SULT2A1: variants seen among roughly 807,000 people sequenced by gnomAD.
The protein encoded by SULT2A1 is sulfotransferase 2A1.
A neutral mutation model predicts 33.9 loss-of-function variants in SULT2A1; 43 were observed. The ratio of observed to expected loss-of-function variants is 1.27; its 90% confidence interval spans 1.00 to 1.64. SULT2A1 has a LOEUF of 1.64. Ranked by LOEUF, SULT2A1 falls within the 40% of genes most tolerant of loss-of-function variation. The pLI, the probability that SULT2A1 is intolerant of heterozygous loss-of-function variation, is 0.00. For missense variants in SULT2A1, 300 were observed against 335.1 expected, an observed-to-expected ratio of 0.90 and a Z score of 0.82; for synonymous variants, 125 against 113.6, an observed-to-expected ratio of 1.10 and a Z score of -0.64.
chr19:47,871,431 A>G lies in SULT2A1; in HGVS notation c.*24T>C. 1.3e-6 allele frequency: 2 copies of G among 1,540,304 alleles called. No homozygotes were observed. The highest frequency in any genetic ancestry group is 4.5e-5 in the East Asian group (2 of 44,490). ...CAGGAGAATCAATGTCATTCTCCAT[A>G]TAAGATCCAGAGTGTTTTGGACGTT... On this transcript the variant is annotated 3_prime_UTR_variant, in exon 6 of 6. Coordinates refer to ENST00000222002, the MANE Select transcript of SULT2A1 (RefSeq NM_003167.4).
At chr19:47,877,603 G>A (rs1282578188) in intron 4 of SULT2A1, among the ~76,000 whole-genome samples, 1 of 149,758 alleles carries the variant, frequency 6.7e-6, no homozygotes, top group Non-Finnish European at 1.5e-5. Context: ...AGCCTAGAGT[G>A]CAGTGGTGTG....
At chr19:47,874,252 A>G (rs1337522201) in intron 5 of SULT2A1, among the ~76,000 whole-genome samples, 1 of 151,988 alleles carries the variant, frequency 6.6e-6, no homozygotes, top group Admixed American at 6.6e-5. Context: ...ATTAAAGCTG[A>G]TAAATTGGCC....
At chr19:47,878,642 G>A (rs377090143) in intron 4 of SULT2A1, among the ~76,000 whole-genome samples, 61 of 150,378 alleles carry the variant, frequency 4.1e-4, no homozygotes, top group African/African-American at 1.5e-3. Context: ...TCAGCCTCCC[G>A]AGTAGCTGGG....
In SULT2A1 at chr19:47,879,213, G is replaced by C. The variant is rs183470792; in HGVS notation, c.473-83C>G. On this transcript the variant is annotated intron_variant, in intron 3 of 5. Coordinates refer to ENST00000222002, the MANE Select transcript of SULT2A1 (RefSeq NM_003167.4). ...GTCTATTATGTTCATCCCCCCACCG[G>C]CTTGTTAACGTATGATTGACAAATA... 42 of 814,118 alleles carry C rather than the reference G, an allele frequency of 5.2e-5. No homozygotes were observed. The Admixed American group carries it at 6.1e-4, about 12-fold the overall frequency. 50.4% of individuals were successfully genotyped at this position (814,118 alleles called of 1,614,324 possible). A position where few individuals can be genotyped will look rare whatever the true frequency, so the allele number is the denominator to read the frequency against.
At chr19:47,881,993 TG>T in intron 3 of SULT2A1, 90 bp downstream of exon 3, 1 of 1,550,198 alleles carries the variant, frequency 6.5e-7, no homozygotes, top group South Asian at 1.2e-5. Context: ...TTTCAACCCA[TG>T]GGTTGGTGAG....
chr19:47,879,265 G>T, intron 3 of SULT2A1, 135 bp from the exon 4 acceptor site: 1 of 640,536 alleles, frequency 1.6e-6, no homozygotes. Context: ...TGGTCGAAGG[G>T]GACCAACAAA....
chr19:47,885,789 G>T (rs1386605492), intron 1 of SULT2A1, among the ~76,000 whole-genome samples: 1 of 152,010 alleles, frequency 6.6e-6, no homozygotes, highest in Admixed American at 6.6e-5. Context: ...CTCATTCTTT[G>T]CATTTCCATT....
chr19:47,883,849 C>A, intron 1 of SULT2A1, 64 bp from the exon 2 acceptor site: 1 of 1,483,666 alleles, frequency 6.7e-7, no homozygotes, highest in African/African-American at 1.4e-5. Context: ...TGGCTCACGC[C>A]TGTAATCCCA....
chr19:47,878,189 T>A (rs1462802469), intron 4 of SULT2A1, among the ~76,000 whole-genome samples: 4 of 152,134 alleles, frequency 2.6e-5, no homozygotes, highest in African/African-American at 9.7e-5. Context: ...TTATTTTTAT[T>A]TTTAGAGCCG....
At chr19:47,873,233 G>C (rs890052841) in intron 5 of SULT2A1, among the ~76,000 whole-genome samples, 5 of 151,240 alleles carry the variant, frequency 3.3e-5, no homozygotes, top group Admixed American at 6.6e-5. Context: ...CAAATGGCAG[G>C]ATCTCGGCTC....
chr19:47,875,054 C>T (rs569931922), intron 4 of SULT2A1, among the ~76,000 whole-genome samples: 11 of 145,510 alleles, frequency 7.6e-5, no homozygotes, highest in Admixed American at 1.4e-4. Context: ...CCCAGCTACT[C>T]GGGAGGTTGG....
At chr19:47,872,313 G>A (rs1387448319) in intron 5 of SULT2A1, among the ~76,000 whole-genome samples, 7 of 152,198 alleles carry the variant, frequency 4.6e-5, no homozygotes, top group South Asian at 2.1e-4. Flanking sequence ...CAGATTTTCC[G>A]AGGACTCTAG....
chr19:47,875,330 T>G (rs1568637650), intron 4 of SULT2A1, among the ~76,000 whole-genome samples: 2 of 151,504 alleles, frequency 1.3e-5, no homozygotes, highest in Non-Finnish European at 2.9e-5. Context: ...AGAGAGGGCA[T>G]GAAGTATGTA....
rs61271763 is a variant in SULT2A1 at position 47,873,614 on chromosome 19, C to CTTTTTTTTTTTTTT, written c.745+1029_745+1042dup. Among the ~76,000 whole-genome samples, 22 of 62,098 alleles carry CTTTTTTTTTTTTTT rather than the reference C, an allele frequency of 3.5e-4. 2 individuals carry two copies. The highest frequency in any genetic ancestry group is 1.6e-3 in the African/African-American group (21 of 12,832). The allele number at this position is 62,098 out of a possible 152,430, so 40.7% of individuals were successfully genotyped here. A position where few individuals can be genotyped will look rare whatever the true frequency, so the allele number is the denominator to read the frequency against. On this transcript the variant is annotated intron_variant, in intron 5 of 5. Transcript: ENST00000222002. ...ACATTTCTTCATCCAGGACAGATCTCTTTTTTTTTTTTTTTTTTTTTTTTT... is the reference window on the plus strand; with the variant it reads ...ACATTTCTTCATCCAGGACAGATCTCTTTTTTTTTTTTTTTTTTTTTTTTTTTTTTTTTTTTTTT...
intron 1 of SULT2A1, 62 bp from the exon 2 acceptor site, chr19:47,883,847 G>T: frequency 6.7e-7 from 1 of 1,484,698 alleles, no homozygotes; most frequent in Non-Finnish European, 9.2e-7. Context: ...GGTGGCTCAC[G>T]CCTGTAATCC....
intron 1 of SULT2A1, among the ~76,000 whole-genome samples, chr19:47,885,273 G>A (rs1381779675): frequency 6.6e-6 from 1 of 152,156 alleles, no homozygotes. Context: ...CCTGGCAGCC[G>A]CCAGTGTACT....
intron 2 of SULT2A1, 77 bp downstream of exon 2, chr19:47,883,500 A>T: frequency 7.1e-7 from 1 of 1,410,148 alleles, no homozygotes; most frequent in Non-Finnish European, 1.0e-6. Context: ...CATTTCAGCA[A>T]GATCTCCAGA....
intron 4 of SULT2A1, among the ~76,000 whole-genome samples, chr19:47,878,014 C>T (rs1184275746): frequency 6.6e-6 from 1 of 152,178 alleles, no homozygotes; most frequent in East Asian, 1.9e-4. Flanking sequence ...ACACTCGGAA[C>T]CATCTCAGGA....
Position 47,883,576 on chromosome 19 carries a change from C to A in SULT2A1, c.345+1G>T, listed in dbSNP as rs773684296. 7 of 1,613,820 alleles carry A rather than the reference C, an allele frequency of 4.3e-6. No homozygotes were observed. In the Admixed American group the frequency reaches 1.0e-4, roughly 23 times the overall value. ...ACACGTCTTAACCATTATGCACTGA[C>A]CTTGGCCTTGGAACTGAAGAAAGAC... On this transcript the variant is annotated splice_donor_variant, in intron 2 of 5. Transcript: ENST00000222002. LOFTEE classifies it high-confidence loss of function.
Sources: allele counts gnomAD v4.1 joint callset (sites outside exome capture counted in the v4.1 genomes callset), GRCh38; gene constraint gnomAD v4.1.1; transcripts MANE v1.5; gene names NCBI Gene and HGNC (gene_info 2026-07-23, HGNC 2026-07-21).